Variants in SLC22A25 observed in about 807,000 individuals in gnomAD.
SLC22A25 encodes the protein MGI:2442751, MGI:2385316, MGI:3042283, MGI:3645714, MGI:3605624, MGI:2442750.
SLC22A25 carries 44 observed loss-of-function variants against 45.9 expected under a neutral mutation model. That is an observed-to-expected ratio of 0.96 (90% CI 0.75 to 1.23). The LOEUF is 1.23. Ranked by LOEUF, SLC22A25 falls within the 50% of genes most tolerant of loss-of-function variation. SLC22A25 has a pLI of 0.00. For missense variants in SLC22A25, 800 were observed against 666.4 expected (o/e 1.20, Z -2.21); for synonymous variants, 283 against 238.6 (o/e 1.19, Z -1.72).
intron 2 of SLC22A25, 142 bp from the exon 3 acceptor site, chr11:63,238,154 A>G (rs986793866): frequency 3.9e-5 from 6 of 152,148 alleles, no homozygotes; most frequent in Non-Finnish European, 7.4e-5. Flanking sequence ...CCTTTTCTTT[A>G]CTATTTGACC....
intron 7 of SLC22A25, among the ~76,000 whole-genome samples, chr11:63,200,923 TA>T (rs2089221444): frequency 6.6e-6 from 1 of 151,834 alleles, no homozygotes; most frequent in Non-Finnish European, 1.5e-5. Flanking sequence ...ACAAAAAGAA[TA>T]AAATGCCTAG....
chr11:63,221,168 T>C (rs112586706), intron 5 of SLC22A25, among the ~76,000 whole-genome samples: 5,122 of 152,276 alleles, frequency 0.034, 117 homozygotes, highest in Non-Finnish European at 0.056. Flanking sequence ...AATCATATAG[T>C]AGCTCTACAT....
chr11:63,224,520 C>T (rs568133609), intron 5 of SLC22A25, among the ~76,000 whole-genome samples: 1 of 151,966 alleles, frequency 6.6e-6, no homozygotes, highest in African/African-American at 2.4e-5. Context: ...TTTTTTCCTT[C>T]CTGTCTTCCT....
At chr11:63,195,928 C>A (rs112361069) in intron 7 of SLC22A25, among the ~76,000 whole-genome samples, 1 of 152,030 alleles carries the variant, frequency 6.6e-6, no homozygotes, top group Non-Finnish European at 1.5e-5. Flanking sequence ...GATATCACCA[C>A]GGATCCCACA....
intron 7 of SLC22A25, among the ~76,000 whole-genome samples, chr11:63,211,962 A>C (rs1443916502): frequency 6.6e-6 from 1 of 151,890 alleles, no homozygotes; most frequent in Non-Finnish European, 1.5e-5. Flanking sequence ...AACTCAAACA[A>C]ATTTACAAGA....
At chr11:63,238,413 C>T (rs1236115496) in intron 2 of SLC22A25, among the ~76,000 whole-genome samples, 1 of 152,092 alleles carries the variant, frequency 6.6e-6, no homozygotes, top group African/African-American at 2.4e-5. Context: ...TTTTTAATTG[C>T]AACCACAGGC....
intron 7 of SLC22A25, among the ~76,000 whole-genome samples, chr11:63,216,998 TAAATA>T (rs2089728157): frequency 6.6e-6 from 1 of 152,258 alleles, no homozygotes; most frequent in African/African-American, 2.4e-5. Context: ...TTTATTCAGT[TAAATA>T]AAATACTGAA....
chr11:63,214,921 G>C (rs756573820), intron 7 of SLC22A25, among the ~76,000 whole-genome samples: 5 of 152,082 alleles, frequency 3.3e-5, no homozygotes, highest in Non-Finnish European at 7.3e-5. Context: ...TCATTAAAAA[G>C]TCAGGAAACA....
intron 9 of SLC22A25, among the ~76,000 whole-genome samples, chr11:63,177,862 A>AT (rs1344504932): frequency 0.023 from 63 of 2,776 alleles, 8 homozygotes; most frequent in East Asian, 0.1. Flanking sequence ...ATGTATATAT[A>AT]TAATATATAT....
intron 3 of SLC22A25, among the ~76,000 whole-genome samples, chr11:63,232,950 A>G (rs1413449922): frequency 6.6e-6 from 1 of 152,086 alleles, no homozygotes; most frequent in African/African-American, 2.4e-5. Context: ...TGATTTGCAT[A>G]TGTTGAGCCA....
intron 1 of SLC22A25, among the ~76,000 whole-genome samples, chr11:63,242,342 C>T (rs1325422427): frequency 6.6e-6 from 1 of 152,160 alleles, no homozygotes; most frequent in African/African-American, 2.4e-5. Flanking sequence ...AACTCATTGG[C>T]AGGAGTAGGA....
intron 9 of SLC22A25, among the ~76,000 whole-genome samples, chr11:63,174,725 T>C (rs1256489854): frequency 6.6e-6 from 1 of 152,126 alleles, no homozygotes; most frequent in Non-Finnish European, 1.5e-5. Flanking sequence ...TATTCTTAAC[T>C]GTATGCATAA....
At chr11:63,191,719 ATAAAC>A (rs2088823392) in intron 7 of SLC22A25, among the ~76,000 whole-genome samples, 1 of 152,194 alleles carries the variant, frequency 6.6e-6, no homozygotes, top group Admixed American at 6.5e-5. Context: ...TAAAAGCAGA[ATAAAC>A]TAAGAAGAAG....
At chr11:63,176,940 G>A (rs1250317643) in intron 9 of SLC22A25, among the ~76,000 whole-genome samples, 1 of 151,948 alleles carries the variant, frequency 6.6e-6, no homozygotes, top group African/African-American at 2.4e-5. Context: ...TGCAGATCTA[G>A]TGTTGACAGA....
At chr11:63,194,325 T>TGGC (rs2088923745) in intron 7 of SLC22A25, among the ~76,000 whole-genome samples, 2 of 152,050 alleles carry the variant, frequency 1.3e-5, no homozygotes, top group Non-Finnish European at 2.9e-5. Context: ...GCCACAAAGA[T>TGGC]ACTCCTCAAG....
intron 5 of SLC22A25, among the ~76,000 whole-genome samples, chr11:63,220,684 G>A (rs1372264424): frequency 5.3e-5 from 8 of 152,048 alleles, no homozygotes; most frequent in East Asian, 1.9e-4. Flanking sequence ...TGCAGTCACC[G>A]TGTTGTGTGA....
intron 7 of SLC22A25, among the ~76,000 whole-genome samples, chr11:63,217,089 A>G (rs1415501218): frequency 1.3e-5 from 2 of 152,102 alleles, no homozygotes; most frequent in Non-Finnish European, 2.9e-5. Context: ...ATATTTGGAT[A>G]TTTTTCAGAA....
Position 63,183,805 on chromosome 11 carries a change from C to A in SLC22A25, c.843G>T (p.Glu281Asp), listed in dbSNP as rs780210052. ...TGTTGATAATGAGCCACCGAGCAGA[C>A]TCTGCCAGCCACCTGAGCAAAGAAG... is the stretch of plus-strand genomic sequence containing the variant. ...VFFLFSRWLA[E>D]SARWLIINNK... is the part of the protein sequence containing the mutation. The change falls in exon 8 of 12, where the codon GAG (glutamate) becomes GAT (aspartate). Residue 281 changes from glutamate (E) to aspartate (D), a missense_variant. Coordinates refer to ENST00000306494, the MANE Select transcript of SLC22A25 (RefSeq NM_199352.6). The A allele has an allele frequency of 1.2e-6, 2 of 1,613,046 alleles. No individual in the cohort carries two copies. Among genetic ancestry groups the A allele is most frequent in the Non-Finnish European group, 1.7e-6 (2 of 1,179,294 alleles).
intron 7 of SLC22A25, among the ~76,000 whole-genome samples, chr11:63,209,560 C>G (rs796254388): frequency 2.6e-5 from 4 of 152,156 alleles, no homozygotes; most frequent in African/African-American, 9.7e-5. Context: ...GGCGAGGCAG[C>G]TGGGCACCTC....
Sources: gnomAD v4.1 joint callset for allele counts (sites outside exome capture counted in the v4.1 genomes callset) on GRCh38, gnomAD v4.1.1 for gene constraint, MANE v1.5 for transcripts, NCBI Gene and HGNC (gene_info 2026-07-23, HGNC 2026-07-21) for gene names.